Variants in BCL6 observed in about 807,000 individuals in gnomAD.
BCL6 encodes the protein B-cell lymphoma 6 protein.
BCL6 carries 7 observed loss-of-function variants against 59.5 expected under a neutral mutation model. The observed-to-expected ratio is 0.12, with a 90% CI of 0.07 to 0.22. The LOEUF (loss-of-function observed/expected upper bound fraction) is 0.22, where lower values mean the gene tolerates loss of function less well. Among genes scored for constraint, BCL6 ranks in the 10% least tolerant of loss-of-function variants. The pLI, the probability that BCL6 is intolerant of heterozygous loss-of-function variation, is 1.00. For missense variants in BCL6, 685 were observed against 939.4 expected, an observed-to-expected ratio of 0.73 and a Z score of 3.54; for synonymous variants, 339 against 349.7, an observed-to-expected ratio of 0.97 and a Z score of 0.34.
chr3:187,745,147 C>G lies in BCL6; in HGVS notation c.-50+263G>C, dbSNP rs566362778. Among the ~76,000 whole-genome samples, 6 of 152,190 alleles carry G rather than the reference C, an allele frequency of 3.9e-5. No individual in the cohort carries two copies. The East Asian group carries it at 5.8e-4, about 15-fold the overall frequency. On this transcript the variant is annotated intron_variant, in intron 1 of 9. Coordinates refer to ENST00000406870, the MANE Select transcript of BCL6 (RefSeq NM_001706.5). ...ATAATAATAATAAATACATAACAAT[C>G]TATATCCTATGGTGGGAGAGACGTG...
intron 1 of BCL6, among the ~76,000 whole-genome samples, chr3:187,743,460 C>T (rs1214989336): frequency 6.6e-6 from 1 of 151,960 alleles, no homozygotes; most frequent in Non-Finnish European, 1.5e-5. Flanking sequence ...GTCAGGACCC[C>T]CCACCCCCAA....
intron 1 of BCL6, among the ~76,000 whole-genome samples, chr3:187,744,296 A>T (rs549147796): frequency 6.6e-6 from 1 of 152,208 alleles, no homozygotes; most frequent in Non-Finnish European, 1.5e-5. Context: ...ACTGAAAGGC[A>T]TCGCAGGTGC....
Position 187,721,985 on chromosome 3 carries a change from C to T in BCL6, c.*473G>A. On this transcript the variant is annotated 3_prime_UTR_variant, in exon 10 of 10. Coordinates refer to ENST00000406870, the MANE Select transcript of BCL6 (RefSeq NM_001706.5). This position sits in a 1 kb window ranked among gnomAD's most constrained non-coding sequence, Gnocchi z 4.2. ...ATATATATATATATTTATATATTTA[C>T]AACTCTGCCATATATTCCTTCACCT... 1 of 197,576 alleles carries T rather than the reference C, an allele frequency of 5.1e-6. No individual in the cohort carries two copies. 12.2% of individuals were successfully genotyped at this position (197,576 alleles called of 1,614,324 possible). A position where few individuals can be genotyped will look rare whatever the true frequency, so the allele number is the denominator to read the frequency against.
chr3:187,743,840 C>G (rs1014397009), intron 1 of BCL6, among the ~76,000 whole-genome samples: 9 of 152,004 alleles, frequency 5.9e-5, no homozygotes, highest in Non-Finnish European at 1.3e-4. Context: ...CTTACTCCCT[C>G]GAGGAGAGCC....
chr3:187,743,245 A>G (rs977193249), intron 1 of BCL6, among the ~76,000 whole-genome samples: 4 of 152,126 alleles, frequency 2.6e-5, no homozygotes, highest in African/African-American at 9.7e-5. Context: ...AAGAAGAGAA[A>G]AAGTAAAGCG....
At chr3:187,732,053 A>C in intron 3 of BCL6, 123 bp from the exon 4 acceptor site, 1 of 768,582 alleles carries the variant, frequency 1.3e-6, no homozygotes, top group East Asian at 2.7e-5. Context: ...GTAATTAATA[A>C]TAGCTGCTAT....
chr3:187,728,044 A>G (rs79915401), intron 6 of BCL6, among the ~76,000 whole-genome samples: 3,976 of 152,246 alleles, frequency 0.026, 192 homozygotes, highest in African/African-American at 0.092. Context: ...TCATTTTGGT[A>G]TAGAGGAATG....
chr3:187,726,686 C>T (rs1307118628), intron 7 of BCL6, 45 bp downstream of exon 7: 3 of 1,600,954 alleles, frequency 1.9e-6, no homozygotes, highest in Non-Finnish European at 2.6e-6. Flanking sequence ...CCTGTCCTGC[C>T]CCAATAATTG....
At chr3:187,738,673 C>T (rs2108477520) in intron 1 of BCL6, among the ~76,000 whole-genome samples, 1 of 152,288 alleles carries the variant, frequency 6.6e-6, no homozygotes, top group East Asian at 1.9e-4. Context: ...GGCTAGGGGA[C>T]AGCGAAAGAC....
At chr3:187,737,359 G>A (rs1239769664) in intron 1 of BCL6, 1 of 125,876 alleles carries the variant, frequency 7.9e-6, no homozygotes, top group Non-Finnish European at 1.7e-5. Flanking sequence ...GAGAGAGAGA[G>A]AGAGAGAGAG....
chr3:187,741,845 A>G (rs1417369210), intron 1 of BCL6, among the ~76,000 whole-genome samples: 1 of 152,174 alleles, frequency 6.6e-6, no homozygotes, highest in African/African-American at 2.4e-5. Context: ...TTACACCAAA[A>G]CATCCCTCAC....
At chr3:187,740,333 C>G (rs3774303) in intron 1 of BCL6, among the ~76,000 whole-genome samples, 74,443 of 151,654 alleles carry the variant, frequency 0.49, 21,901 homozygotes, top group Middle Eastern at 0.7. Context: ...AGTCTTTGGT[C>G]CAGGCCTTAA....
chr3:187,731,987 C>T (rs976410432), intron 3 of BCL6, 57 bp from the exon 4 acceptor site: 6 of 1,441,930 alleles, frequency 4.2e-6, no homozygotes, highest in East Asian at 2.4e-5. Context: ...TGATCCCTTA[C>T]AGTCAGCACT....
At position 187,738,636 on chromosome 3, in the gene BCL6, T is replaced by C. The variant is rs553687557; in HGVS notation, c.-49-3729A>G. Among the ~76,000 whole-genome samples the C allele has an allele frequency of 1.7e-3, 264 of 152,248 alleles. 1 individual carries two copies. Among genetic ancestry groups the C allele is most frequent in the Middle Eastern group, 6.8e-3 (2 of 292 alleles). ...GGTGCCATGTCCTAATTGGTCTCGG[T>C]AGCAGGCTCCGGGGTGCGCTTTCGG... On this transcript the variant is annotated intron_variant, in intron 1 of 9. Coordinates refer to ENST00000406870, the MANE Select transcript of BCL6 (RefSeq NM_001706.5).
intron 3 of BCL6, 118 bp downstream of exon 3, chr3:187,733,415 G>C (rs1719139503): frequency 8.2e-7 from 1 of 1,220,392 alleles, no homozygotes; most frequent in Non-Finnish European, 1.2e-6. Flanking sequence ...CTGAGATCTG[G>C]AGACAAAGCG....
intron 1 of BCL6, among the ~76,000 whole-genome samples, 171 bp downstream of exon 1, chr3:187,745,239 A>C (rs531977776): frequency 2.0e-5 from 3 of 152,314 alleles, no homozygotes; most frequent in South Asian, 2.1e-4. Flanking sequence ...CATTTATATC[A>C]ATAGATACAC....
intron 6 of BCL6, 22 bp from the exon 7 acceptor site, chr3:187,726,920 A>T: frequency 6.2e-7 from 1 of 1,613,024 alleles, no homozygotes; most frequent in Non-Finnish European, 8.5e-7. Flanking sequence ...TGGTAGGGGG[A>T]CACCAAAGTC....
At chr3:187,744,742 A>T in intron 1 of BCL6, among the ~76,000 whole-genome samples, 1 of 152,216 alleles carries the variant, frequency 6.6e-6, no homozygotes, top group Non-Finnish European at 1.5e-5. Context: ...ACCCAGAAGG[A>T]CAGGGGAAGG....
chr3:187,737,445 A>G (rs1191500370), intron 1 of BCL6, among the ~76,000 whole-genome samples: 1 of 151,554 alleles, frequency 6.6e-6, no homozygotes, highest in Non-Finnish European at 1.5e-5. Context: ...GAGCAAGCCA[A>G]TACAAAAGAC....
Sources: allele counts gnomAD v4.1 joint callset (sites outside exome capture counted in the v4.1 genomes callset), GRCh38; gene constraint gnomAD v4.1.1; non-coding constraint Gnocchi (gnomAD v3.1); transcripts MANE v1.5; gene names NCBI Gene and HGNC (gene_info 2026-07-23, HGNC 2026-07-21).